Variants in SORCS3 observed in about 807,000 individuals in gnomAD.
SORCS3 encodes the protein sortilin related VPS10 domain containing receptor 3.
A neutral mutation model predicts 146.3 loss-of-function variants in SORCS3; 57 were observed. The ratio of observed to expected loss-of-function variants is 0.39; its 90% CI spans 0.31 to 0.49. The LOEUF is 0.49. Among genes scored for constraint, SORCS3 ranks in the 20% least tolerant of loss-of-function variants. SORCS3 has a pLI of 0.92. For missense variants in SORCS3, 1,341 were observed against 1,575.5 expected (o/e 0.85, Z 2.52); for synonymous variants, 653 against 618.5 (o/e 1.06, Z -0.83).
intron 2 of SORCS3, among the ~76,000 whole-genome samples, chr10:104,853,131 C>G (rs1369714860): frequency 1.3e-5 from 2 of 152,200 alleles, no homozygotes; most frequent in African/African-American, 4.8e-5. Context: ...AACCTCATCT[C>G]TACTAAAAAT....
intron 13 of SORCS3, among the ~76,000 whole-genome samples, chr10:105,168,089 G>T (rs1024930486): frequency 1.2e-4 from 19 of 152,122 alleles, no homozygotes; most frequent in Admixed American, 3.9e-4. Context: ...AACAACCTAG[G>T]ATTAAGCAAT....
At chr10:105,260,968 A>T (rs575579386) in intron 25 of SORCS3, among the ~76,000 whole-genome samples, 6 of 152,346 alleles carry the variant, frequency 3.9e-5, no homozygotes, top group Non-Finnish European at 5.9e-5. Context: ...CAAATATAGT[A>T]TAGTAAAGTA....
intron 1 of SORCS3, among the ~76,000 whole-genome samples, chr10:104,651,533 TA>T (rs34352025): frequency 8.1e-4 from 91 of 112,644 alleles, no homozygotes; most frequent in African/African-American, 2.1e-3. Context: ...CGGGCTCTAC[TA>T]AAAAAAAAAA....
intron 7 of SORCS3, among the ~76,000 whole-genome samples, chr10:105,128,102 T>C (rs1369390379): frequency 6.6e-6 from 1 of 152,160 alleles, no homozygotes; most frequent in Non-Finnish European, 1.5e-5. Flanking sequence ...TTTCTTGGTA[T>C]TTCCTTCATG....
intron 1 of SORCS3, among the ~76,000 whole-genome samples, chr10:104,694,962 G>T (rs528802393): frequency 6.6e-6 from 1 of 152,250 alleles, no homozygotes; most frequent in Admixed American, 6.5e-5. Flanking sequence ...AGACCAAACA[G>T]CTTTTCTGTA....
intron 20 of SORCS3, among the ~76,000 whole-genome samples, chr10:105,227,612 A>G (rs999925614): frequency 6.6e-6 from 1 of 152,024 alleles, no homozygotes; most frequent in Admixed American, 6.6e-5. Flanking sequence ...TTCCGTCTAG[A>G]TGATCTGTCT....
At position 104,858,778 on chromosome 10, in the gene SORCS3, C is replaced by A. The variant is rs540044035; in HGVS notation, c.695+15919C>A. 4.0e-5 allele frequency among the ~76,000 whole-genome samples: 6 copies of A among 151,890 alleles called. No homozygotes were observed. In the East Asian group the frequency reaches 9.7e-4, roughly 25 times the overall value. On this transcript the variant is annotated intron_variant, in intron 2 of 26. Transcript: ENST00000369701. ...CTGAGAGTACAGGTACCCGCCACCA[C>A]GCCTGGCTAATTTTTTGTGTTTTTA...
chr10:105,008,173 A>C (rs1010606723), intron 4 of SORCS3, among the ~76,000 whole-genome samples: 1 of 152,194 alleles, frequency 6.6e-6, no homozygotes, highest in East Asian at 1.9e-4. Flanking sequence ...ACATATCTCC[A>C]TCTTAGCATT....
chr10:104,882,706 G>C (rs771975646), intron 2 of SORCS3, among the ~76,000 whole-genome samples: 4 of 151,976 alleles, frequency 2.6e-5, no homozygotes, highest in Non-Finnish European at 5.9e-5. Context: ...TTATTTCCTT[G>C]GTCAACCTTC....
chr10:104,960,295 T>G (rs1306779686), intron 3 of SORCS3, among the ~76,000 whole-genome samples: 1 of 152,178 alleles, frequency 6.6e-6, no homozygotes. Context: ...CTAAATATAA[T>G]AATCCTCCCC....
At chr10:105,182,980 G>A (rs2056452139) in intron 14 of SORCS3, among the ~76,000 whole-genome samples, 1 of 152,162 alleles carries the variant, frequency 6.6e-6, no homozygotes, top group African/African-American at 2.4e-5. Flanking sequence ...TGCAATTACA[G>A]ACACATGTGC....
intron 1 of SORCS3, among the ~76,000 whole-genome samples, chr10:104,713,980 C>A (rs1470150013): frequency 6.6e-6 from 1 of 152,048 alleles, no homozygotes; most frequent in Non-Finnish European, 1.5e-5. Context: ...GTGAGTTATG[C>A]TAGTTTGTGT....
chr10:104,781,908 T>C (rs2017378374), intron 1 of SORCS3, among the ~76,000 whole-genome samples: 1 of 152,228 alleles, frequency 6.6e-6, no homozygotes, highest in African/African-American at 2.4e-5. Context: ...CTCACTGTGT[T>C]CTCCTTTAGA....
intron 20 of SORCS3, among the ~76,000 whole-genome samples, chr10:105,230,851 G>A (rs1281364578): frequency 6.6e-6 from 1 of 152,210 alleles, no homozygotes; most frequent in Non-Finnish European, 1.5e-5. Flanking sequence ...TGCTGCAGCT[G>A]CTTTGGACTT....
intron 1 of SORCS3, among the ~76,000 whole-genome samples, chr10:104,754,005 A>G (rs963114674): frequency 6.6e-6 from 1 of 152,188 alleles, no homozygotes; most frequent in African/African-American, 2.4e-5. Context: ...AATATAATTT[A>G]GTGAAATTTG....
intron 1 of SORCS3, among the ~76,000 whole-genome samples, chr10:104,717,832 A>G (rs754259558): frequency 2.4e-4 from 36 of 152,148 alleles, no homozygotes; most frequent in Non-Finnish European, 4.3e-4. Flanking sequence ...TGAGTAATTT[A>G]TAAATAAGCA....
At chr10:104,787,480 G>T (rs1165214825) in intron 1 of SORCS3, among the ~76,000 whole-genome samples, 1 of 152,156 alleles carries the variant, frequency 6.6e-6, no homozygotes, top group Non-Finnish European at 1.5e-5. Context: ...CTCCTTTATA[G>T]TTAGGACTCA....
intron 1 of SORCS3, among the ~76,000 whole-genome samples, chr10:104,736,440 A>T (rs963275928): frequency 6.6e-5 from 10 of 152,228 alleles, no homozygotes; most frequent in African/African-American, 1.9e-4. Flanking sequence ...GTACACGGAC[A>T]CATGTGTTTT....
chr10:105,180,272 G>A (rs2056435227), intron 14 of SORCS3, among the ~76,000 whole-genome samples: 1 of 152,188 alleles, frequency 6.6e-6, no homozygotes, highest in Admixed American at 6.5e-5. Flanking sequence ...AGTTGGTCTG[G>A]AAGTTTTCAT....
Sources: gnomAD v4.1 joint callset for allele counts (sites outside exome capture counted in the v4.1 genomes callset) on GRCh38, gnomAD v4.1.1 for gene constraint, MANE v1.5 for transcripts, NCBI Gene and HGNC (gene_info 2026-07-23, HGNC 2026-07-21) for gene names.